FGF14: variants seen among roughly 807,000 people sequenced by gnomAD.
FGF14 encodes the protein fibroblast growth factor homologous factor 4.
In FGF14, 5 loss-of-function variants were observed where a neutral mutation model predicts 25.5. The observed-to-expected ratio is 0.20, with a 90% confidence interval of 0.10 to 0.41. The LOEUF (loss-of-function observed/expected upper bound fraction) is 0.41, where lower values mean the gene tolerates loss of function less well. Ranked by LOEUF, FGF14 falls within the 10% of genes least tolerant of loss-of-function variation. The pLI is 1.00. For missense variants in FGF14, 222 were observed against 320.1 expected, an observed-to-expected ratio of 0.69 and a Z score of 2.34; for synonymous variants, 138 against 118.3, an observed-to-expected ratio of 1.17 and a Z score of -1.08.
intron 1 of FGF14, among the ~76,000 whole-genome samples, chr13:102,129,824 G>T (rs577350963): frequency 6.6e-6 from 1 of 151,944 alleles, no homozygotes; most frequent in East Asian, 1.9e-4. Flanking sequence ...TACCCTAAAA[G>T]TATAATAATA....
intron 1 of FGF14, among the ~76,000 whole-genome samples, chr13:101,891,843 T>C (rs1481083169): frequency 6.6e-6 from 1 of 152,174 alleles, no homozygotes; most frequent in Non-Finnish European, 1.5e-5. Flanking sequence ...AATGTAGTAG[T>C]AAATAATCAC....
chr13:102,171,918 A>G (rs1239355022), intron 1 of FGF14, among the ~76,000 whole-genome samples: 2 of 150,332 alleles, frequency 1.3e-5, no homozygotes, highest in East Asian at 1.9e-4. Context: ...TGTTCTGTAT[A>G]TTTTTAAAGA....
At chr13:102,341,317 G>A (rs1326003111) in intron 1 of FGF14, among the ~76,000 whole-genome samples, 1 of 152,150 alleles carries the variant, frequency 6.6e-6, no homozygotes, top group East Asian at 1.9e-4. Context: ...ATTCCATTAT[G>A]AGGAGACAAA....
chr13:101,842,226 G>A (rs538017819), intron 3 of FGF14, among the ~76,000 whole-genome samples: 12 of 152,000 alleles, frequency 7.9e-5, no homozygotes, highest in Non-Finnish European at 1.8e-4. Flanking sequence ...GAAAACAGGC[G>A]TCAGAGGTTG....
At chr13:102,373,713 C>T (rs1250215024) in intron 1 of FGF14, 1 of 152,110 alleles carries the variant, frequency 6.6e-6, no homozygotes, top group Admixed American at 6.6e-5. Context: ...CACTCTTATA[C>T]TTATTATTTG....
chr13:101,748,997 T>C (rs1566851481), intron 3 of FGF14, among the ~76,000 whole-genome samples: 1 of 152,052 alleles, frequency 6.6e-6, no homozygotes, highest in Non-Finnish European at 1.5e-5. Flanking sequence ...AAGGAAGAAT[T>C]CTGATACATG....
chr13:102,230,521 C>T (rs532782928), intron 1 of FGF14, among the ~76,000 whole-genome samples: 3 of 152,220 alleles, frequency 2.0e-5, no homozygotes, highest in Admixed American at 2.0e-4. Context: ...ATACCAGCTC[C>T]CCCTTCCTAG....
At chr13:101,922,328 G>A (rs2034060398) in intron 1 of FGF14, among the ~76,000 whole-genome samples, 1 of 152,160 alleles carries the variant, frequency 6.6e-6, no homozygotes, top group Non-Finnish European at 1.5e-5. Context: ...TTTAGCCTTT[G>A]CTTGATGTCC....
At chr13:101,820,973 A>G (rs1404510227) in intron 3 of FGF14, among the ~76,000 whole-genome samples, 93 of 148,782 alleles carry the variant, frequency 6.3e-4, no homozygotes, top group Admixed American at 2.2e-3. Flanking sequence ...TTTTTGAGAC[A>G]GAGTCTCGCT....
chr13:102,328,080 A>G (rs1487369141), intron 1 of FGF14, among the ~76,000 whole-genome samples: 1 of 151,758 alleles, frequency 6.6e-6, no homozygotes, highest in East Asian at 1.9e-4. Context: ...AAGTCTCCCT[A>G]TTATCTCAAA....
chr13:102,382,251 T>C (rs1224108143), intron 1 of FGF14, among the ~76,000 whole-genome samples: 2 of 152,088 alleles, frequency 1.3e-5, no homozygotes, highest in Non-Finnish European at 2.9e-5. Context: ...AAGAAACTTG[T>C]ATCTAGAATA....
intron 1 of FGF14, among the ~76,000 whole-genome samples, chr13:102,300,679 A>G (rs2054990122): frequency 6.6e-6 from 1 of 152,134 alleles, no homozygotes; most frequent in Non-Finnish European, 1.5e-5. Context: ...TTTGTTTGAA[A>G]TACTGTACCC....
intron 1 of FGF14, among the ~76,000 whole-genome samples, chr13:102,247,721 C>G (rs952401174): frequency 2.0e-5 from 3 of 152,156 alleles, no homozygotes; most frequent in African/African-American, 7.2e-5. Flanking sequence ...TCATTCAACT[C>G]AGCAATCTCA....
chr13:102,128,453 G>A (rs1455428213), intron 1 of FGF14, among the ~76,000 whole-genome samples: 1 of 152,174 alleles, frequency 6.6e-6, no homozygotes, highest in Non-Finnish European at 1.5e-5. Flanking sequence ...AGTTGATTCT[G>A]TAATTCCCAT....
chr13:102,053,715 T>C (rs1195972942), intron 1 of FGF14, among the ~76,000 whole-genome samples: 1 of 152,124 alleles, frequency 6.6e-6, no homozygotes, highest in Non-Finnish European at 1.5e-5. Context: ...TACGTCAGTT[T>C]CCCAGAGGAA....
chr13:101,724,994 A>T (rs1169602974), intron 4 of FGF14, among the ~76,000 whole-genome samples: 1 of 151,986 alleles, frequency 6.6e-6, no homozygotes, highest in Non-Finnish European at 1.5e-5. Context: ...AGATATGCAA[A>T]ATAACTGGTT....
intron 1 of FGF14, among the ~76,000 whole-genome samples, chr13:102,199,940 C>T (rs1186354180): frequency 2.0e-5 from 3 of 152,162 alleles, no homozygotes; most frequent in Non-Finnish European, 4.4e-5. Flanking sequence ...GGGATGCACC[C>T]TTGTCCTGGA....
chr13:102,316,813 T>C (rs923876631), intron 1 of FGF14, among the ~76,000 whole-genome samples: 1 of 152,214 alleles, frequency 6.6e-6, no homozygotes, highest in Non-Finnish European at 1.5e-5. Context: ...ATACAACCTC[T>C]GAAACACCTG....
At chr13:102,309,131 A>AACACACACACACACACACAC (rs1247982990) in intron 1 of FGF14, among the ~76,000 whole-genome samples, 2 of 50,126 alleles carry the variant, frequency 4.0e-5, no homozygotes, top group East Asian at 7.6e-4. Flanking sequence ...ATACATGCAT[A>AACACACACACACACACACAC]ACATACACAC....
Sources: gnomAD v4.1 joint callset for allele counts (sites outside exome capture counted in the v4.1 genomes callset) on GRCh38, gnomAD v4.1.1 for gene constraint, MANE v1.5 for transcripts, NCBI Gene and HGNC (gene_info 2026-07-23, HGNC 2026-07-21) for gene names.